ADGRV1: variants seen among roughly 807,000 people sequenced by gnomAD.
ADGRV1 encodes G-protein coupled receptor 98.
In ADGRV1, 359 loss-of-function variants were observed where a neutral mutation model predicts 596.2. That is an observed-to-expected ratio of 0.60 (90% CI 0.55 to 0.66). The LOEUF (loss-of-function observed/expected upper bound fraction) is 0.66, where lower values mean the gene tolerates loss of function less well. Ranked by LOEUF, ADGRV1 falls within the 30% of genes least tolerant of loss-of-function variation. The probability of loss-of-function intolerance (pLI) is 0.00; values close to 1 mark genes in which losing one functional copy is unlikely to be tolerated. For synonymous variants in ADGRV1, 2,681 were observed against 2,679.2 expected (o/e 1.00, Z -0.02); for missense variants, 7,274 against 7,575.6 (o/e 0.96, Z 1.48).
chr5:90,812,205 C>T (rs376991273), intron 74 of ADGRV1, among the ~76,000 whole-genome samples: 1 of 152,028 alleles, frequency 6.6e-6, no homozygotes, highest in African/African-American at 2.4e-5. Flanking sequence ...GGATTACAGG[C>T]GTGAGCCACT....
intron 52 of ADGRV1, among the ~76,000 whole-genome samples, chr5:90,749,715 A>AT (rs909316048): frequency 3.9e-5 from 6 of 152,192 alleles, no homozygotes; most frequent in Admixed American, 3.3e-4. Context: ...GTAAGAAGAG[A>AT]TTCTTTGAAG....
intron 87 of ADGRV1, among the ~76,000 whole-genome samples, chr5:91,137,251 C>T (rs1215068307): frequency 6.6e-6 from 1 of 152,038 alleles, no homozygotes; most frequent in African/African-American, 2.4e-5. Flanking sequence ...GTACCCAGCC[C>T]TTTGTTTTCC....
chr5:90,723,131 T>C (rs1256423372), intron 45 of ADGRV1, among the ~76,000 whole-genome samples: 2 of 152,146 alleles, frequency 1.3e-5, no homozygotes, highest in Admixed American at 6.5e-5. Context: ...AAAGGGCTAT[T>C]TGTATAGAAA....
At chr5:90,755,243 A>G in intron 55 of ADGRV1, 58 bp downstream of exon 55, 3 of 1,103,202 alleles carry the variant, frequency 2.7e-6, no homozygotes. Flanking sequence ...CTTAAGTAAA[A>G]TTGTGATGCT....
At chr5:91,162,303 G>A (rs189126301) in intron 89 of ADGRV1, among the ~76,000 whole-genome samples, 1 of 152,272 alleles carries the variant, frequency 6.6e-6, no homozygotes, top group Non-Finnish European at 1.5e-5. Context: ...AATTTTAAAA[G>A]AGAATCATCA....
chr5:90,990,965 A>G (rs1780910282), intron 85 of ADGRV1, among the ~76,000 whole-genome samples: 1 of 152,054 alleles, frequency 6.6e-6, no homozygotes, highest in Non-Finnish European at 1.5e-5. Flanking sequence ...AGGGGAAAAG[A>G]GAATATAAAA....
At chr5:90,636,017 A>G (rs1766152838) in intron 10 of ADGRV1, among the ~76,000 whole-genome samples, 1 of 150,650 alleles carries the variant, frequency 6.6e-6, no homozygotes, top group Non-Finnish European at 1.5e-5. Context: ...GTTGGGCCTT[A>G]TGCTTGATGA....
At chr5:90,931,627 G>A (rs1775260826) in intron 83 of ADGRV1, among the ~76,000 whole-genome samples, 1 of 152,136 alleles carries the variant, frequency 6.6e-6, no homozygotes, top group Admixed American at 6.5e-5. Context: ...AATTTTATAT[G>A]TGATTATGTT....
intron 1 of ADGRV1, among the ~76,000 whole-genome samples, chr5:90,567,507 G>T (rs1285286318): frequency 6.6e-6 from 1 of 151,944 alleles, no homozygotes; most frequent in Non-Finnish European, 1.5e-5. Context: ...GGCATATTCA[G>T]ATTTTTAATT....
At chr5:90,795,475 G>A (rs1205596986) in intron 70 of ADGRV1, among the ~76,000 whole-genome samples, 1 of 152,060 alleles carries the variant, frequency 6.6e-6, no homozygotes, top group Non-Finnish European at 1.5e-5. Flanking sequence ...GGGCATCTCT[G>A]AAAAAAAGGC....
chr5:90,635,485 A>G (rs766345005), intron 10 of ADGRV1, among the ~76,000 whole-genome samples, 195 bp downstream of exon 10: 4 of 152,238 alleles, frequency 2.6e-5, no homozygotes, highest in African/African-American at 4.8e-5. Flanking sequence ...AGTATTAGAT[A>G]GAATGAAATT....
chr5:90,948,111 A>C (rs1331466895), intron 83 of ADGRV1, among the ~76,000 whole-genome samples: 1 of 152,150 alleles, frequency 6.6e-6, no homozygotes, highest in Non-Finnish European at 1.5e-5. Context: ...AGATATAATT[A>C]ACTTGATTTT....
chr5:90,645,812 T>TA (rs1177767259), intron 15 of ADGRV1, among the ~76,000 whole-genome samples, 156 bp from the exon 16 acceptor site: 1 of 152,164 alleles, frequency 6.6e-6, no homozygotes, highest in African/African-American at 2.4e-5. Context: ...GTCTGAGTCT[T>TA]ACCTGAATGT....
At chr5:90,749,149 A>C (rs575590286) in intron 52 of ADGRV1, among the ~76,000 whole-genome samples, 11 of 152,194 alleles carry the variant, frequency 7.2e-5, no homozygotes, top group Non-Finnish European at 1.6e-4. Context: ...GCTTGTTCCA[A>C]AATTGTTCTG....
chr5:90,735,561 A>G (rs945041858), intron 50 of ADGRV1, among the ~76,000 whole-genome samples: 12 of 152,156 alleles, frequency 7.9e-5, no homozygotes, highest in Non-Finnish European at 1.8e-4. Context: ...TGATACCAGA[A>G]TTTTGATAAG....
chr5:90,991,268 C>T (rs1780935776), intron 85 of ADGRV1, among the ~76,000 whole-genome samples: 1 of 152,120 alleles, frequency 6.6e-6, no homozygotes, highest in Non-Finnish European at 1.5e-5. Flanking sequence ...TTGTTTCATC[C>T]TTACTAATTC....
intron 83 of ADGRV1, among the ~76,000 whole-genome samples, chr5:90,961,456 C>G (rs1170458392): frequency 7.3e-6 from 1 of 137,560 alleles, no homozygotes; most frequent in Non-Finnish European, 1.5e-5. Flanking sequence ...CTACTGCACT[C>G]CAGCCTGGGT....
chr5:90,595,573 C>A (rs1267012997), intron 1 of ADGRV1, among the ~76,000 whole-genome samples: 1 of 133,440 alleles, frequency 7.5e-6, no homozygotes, highest in Non-Finnish European at 1.6e-5. Context: ...GCTGACCCCC[C>A]AACCTCCCTC....
intron 1 of ADGRV1, among the ~76,000 whole-genome samples, chr5:90,565,834 G>A (rs1198569636): frequency 6.6e-6 from 1 of 152,034 alleles, no homozygotes; most frequent in Non-Finnish European, 1.5e-5. Flanking sequence ...ATTTCTCTCT[G>A]TCTTTTTATG....
Sources: allele counts gnomAD v4.1 joint callset (sites outside exome capture counted in the v4.1 genomes callset), GRCh38; gene constraint gnomAD v4.1.1; transcripts MANE v1.5; gene names NCBI Gene and HGNC (gene_info 2026-07-23, HGNC 2026-07-21).